GULP1: variants seen among roughly 807,000 people sequenced by gnomAD.
The protein encoded by GULP1 is GULP PTB domain containing engulfment adaptor 1, also known as PTB domain-containing engulfment adapter protein 1.
GULP1 carries 19 observed loss-of-function variants against 40.9 expected under a neutral mutation model. That is an observed-to-expected ratio of 0.46 (90% CI 0.32 to 0.68). GULP1 has a LOEUF of 0.68. GULP1 is among the 30% of genes least tolerant of loss of function. The pLI is 0.03. For missense variants in GULP1, 312 were observed against 362.2 expected, an observed-to-expected ratio of 0.86 and a Z score of 1.12; for synonymous variants, 119 against 117.6, an observed-to-expected ratio of 1.01 and a Z score of -0.08.
At chr2:188,505,210 A>G (rs1351243058) in intron 4 of GULP1, among the ~76,000 whole-genome samples, 1 of 151,766 alleles carries the variant, frequency 6.6e-6, no homozygotes, top group Non-Finnish European at 1.5e-5. Flanking sequence ...TTTCATAAGG[A>G]CACTAAATCC....
At chr2:188,591,684 T>A (rs1290239559) in intron 11 of GULP1, 1 of 151,720 alleles carries the variant, frequency 6.6e-6, no homozygotes, top group Non-Finnish European at 1.5e-5. Context: ...ATATATTACT[T>A]ACATAAGAAA....
intron 4 of GULP1, among the ~76,000 whole-genome samples, chr2:188,506,694 A>T (rs539190743): frequency 2.0e-5 from 3 of 152,104 alleles, no homozygotes; most frequent in Admixed American, 6.6e-5. Flanking sequence ...AATTCCACAG[A>T]TTCCCCTTAA....
intron 7 of GULP1, among the ~76,000 whole-genome samples, chr2:188,562,633 A>T (rs1035417399): frequency 2.0e-5 from 3 of 151,916 alleles, no homozygotes; most frequent in Admixed American, 6.6e-5. Context: ...GAACAAGTAG[A>T]AAAAAAGTCA....
chr2:188,483,949 A>AGT (rs1258110900), intron 4 of GULP1, among the ~76,000 whole-genome samples: 3 of 152,140 alleles, frequency 2.0e-5, no homozygotes, highest in Non-Finnish European at 4.4e-5. Context: ...ATTGAGATGA[A>AGT]GATGTGCTCT....
chr2:188,585,030 A>G (rs1161342176), intron 10 of GULP1, among the ~76,000 whole-genome samples: 2 of 152,230 alleles, frequency 1.3e-5, no homozygotes, highest in Non-Finnish European at 2.9e-5. Context: ...CATTGGGTGA[A>G]CGTTTCCATT....
At chr2:188,302,292 G>T (rs983953464) in intron 1 of GULP1, among the ~76,000 whole-genome samples, 11 of 151,956 alleles carry the variant, frequency 7.2e-5, no homozygotes, top group African/African-American at 2.7e-4. Flanking sequence ...AGCAAAACTA[G>T]GAATAATCTA....
chr2:188,423,828 T>C (rs1457440410), intron 2 of GULP1, among the ~76,000 whole-genome samples: 1 of 151,814 alleles, frequency 6.6e-6, no homozygotes, highest in Non-Finnish European at 1.5e-5. Flanking sequence ...CTCATCTGCT[T>C]CTAGAAAATG....
chr2:188,552,835 C>G (rs901562352), intron 7 of GULP1, among the ~76,000 whole-genome samples: 1 of 150,364 alleles, frequency 6.7e-6, no homozygotes, highest in African/African-American at 2.4e-5. Context: ...ACTTTTACCT[C>G]CTTGGTTAAA....
intron 1 of GULP1, among the ~76,000 whole-genome samples, chr2:188,346,646 C>G (rs1180981442): frequency 1.3e-5 from 2 of 151,524 alleles, no homozygotes; most frequent in East Asian, 2.0e-4. Flanking sequence ...GCGCCGGCCA[C>G]CACGCCCGGC....
At chr2:188,352,618 T>TCTCACACACACA (rs578003996) in intron 1 of GULP1, among the ~76,000 whole-genome samples, 2,077 of 134,476 alleles carry the variant, frequency 0.015, 37 homozygotes, top group East Asian at 0.069. Flanking sequence ...TCTCTCTCTC[T>TCTCACACACACA]CACACACACA....
chr2:188,415,425 A>G (rs2152737935), intron 2 of GULP1, among the ~76,000 whole-genome samples: 1 of 152,198 alleles, frequency 6.6e-6, no homozygotes, highest in South Asian at 2.1e-4. Context: ...TGAAAAGTTT[A>G]ATGGTAATTC....
intron 4 of GULP1, among the ~76,000 whole-genome samples, chr2:188,509,257 C>A (rs1172123461): frequency 6.6e-6 from 1 of 152,054 alleles, no homozygotes; most frequent in African/African-American, 2.4e-5. Context: ...TATGTTCCAG[C>A]TCAGAGTGTT....
chr2:188,431,590 T>A (rs2056881635), intron 2 of GULP1, among the ~76,000 whole-genome samples: 1 of 152,164 alleles, frequency 6.6e-6, no homozygotes, highest in Non-Finnish European at 1.5e-5. Context: ...CATATTTTAA[T>A]GTAAAAGCTT....
Position 188,595,850 on chromosome 2 carries a change from A to C in GULP1, c.*1839A>C, listed in dbSNP as rs1433306440. On this transcript the variant is annotated 3_prime_UTR_variant, in exon 12 of 12. Transcript: ENST00000409830. ...ATTTCTCCAGTGCGTTTTTATGAAG[A>C]TCTGGTTGAAAATTGTATTTCTATG... 1 of 152,210 alleles carries C rather than the reference A, an allele frequency of 6.6e-6. No individual in the cohort carries two copies. The highest frequency in any genetic ancestry group is 1.5e-5 in the Non-Finnish European group (1 of 67,796). The allele number at this position is 152,210 out of a possible 1,614,324, so 9.4% of individuals were successfully genotyped here.
At chr2:188,512,268 A>T (rs982338950) in intron 4 of GULP1, among the ~76,000 whole-genome samples, 4 of 152,134 alleles carry the variant, frequency 2.6e-5, no homozygotes, top group African/African-American at 7.2e-5. Context: ...ACGCATTTTT[A>T]AAAAATAATG....
intron 2 of GULP1, among the ~76,000 whole-genome samples, chr2:188,451,933 G>A (rs1428388402): frequency 1.3e-5 from 2 of 152,136 alleles, no homozygotes; most frequent in Non-Finnish European, 1.5e-5. Flanking sequence ...TAGTAAATAT[G>A]TTTTAAATAG....
rs1056748172 is a variant in GULP1, at chr2:188,414,980, G to A, written c.-45+31091G>A. The stretch of plus-strand genomic sequence containing the variant: ...ATAATTTATGGCCTTATGGAATAAT[G>A]TTATATCAAGAGTAAATATGTTTCC... On this transcript the variant is annotated intron_variant, in intron 2 of 11. Transcript: ENST00000409830. Among the ~76,000 whole-genome samples the A allele has an allele frequency of 4.6e-5, 7 of 152,126 alleles. No individual in the cohort carries two copies. In the South Asian group the frequency reaches 1.4e-3, roughly 31 times the overall value.
At position 188,334,821 on chromosome 2, in the gene GULP1, T is replaced by C. The variant is rs543794021; in HGVS notation, c.-172+42655T>C. On this transcript the variant is annotated intron_variant, in intron 1 of 11. Transcript: ENST00000409830. ...ATCATATTTGGGATAGAAAGGTCAA[T>C]ACCTTTCCTCCAGAAACTCTGTCTA... 1.5e-4 allele frequency among the ~76,000 whole-genome samples: 23 copies of C among 152,348 alleles called. 1 individual carries two copies. In the South Asian group the frequency reaches 4.8e-3, roughly 32 times the overall value.
At chr2:188,492,201 A>T (rs555165418) in intron 4 of GULP1, among the ~76,000 whole-genome samples, 41 of 152,206 alleles carry the variant, frequency 2.7e-4, no homozygotes, top group South Asian at 1.7e-3. Context: ...GGATAACACA[A>T]TGAAAAATCA....
Sources: gnomAD v4.1 joint callset for allele counts (sites outside exome capture counted in the v4.1 genomes callset) on GRCh38, gnomAD v4.1.1 for gene constraint, MANE v1.5 for transcripts, NCBI Gene and HGNC (gene_info 2026-07-23, HGNC 2026-07-21) for gene names.